MDFIC: variants seen among roughly 807,000 people sequenced by gnomAD.
MDFIC encodes the protein myoD family inhibitor domain-containing protein.
Under a neutral mutation model 23.2 loss-of-function variants are expected in MDFIC, and 17 were observed. The ratio of observed to expected loss-of-function variants is 0.73; its 90% CI spans 0.50 to 1.10. MDFIC has a LOEUF of 1.10. Among genes scored for constraint, MDFIC ranks in the 50% least tolerant of loss-of-function variants. The pLI, the probability that MDFIC is intolerant of heterozygous loss-of-function variation, is 0.00. For missense variants in MDFIC, 356 were observed against 316.6 expected (o/e 1.12, Z -0.95); for synonymous variants, 120 against 115.2 (o/e 1.04, Z -0.27).
At chr7:114,980,118 C>G (rs1793392751) in intron 4 of MDFIC, 1 of 332,292 alleles carries the variant, frequency 3.0e-6, no homozygotes, top group African/African-American at 2.1e-5. Context: ...TTATCCCTCC[C>G]TGATGCAATA....
At chr7:115,007,554 T>A (rs1279016766) in intron 4 of MDFIC, among the ~76,000 whole-genome samples, 1 of 150,110 alleles carries the variant, frequency 6.7e-6, no homozygotes, top group Non-Finnish European at 1.5e-5. Context: ...TTACCCCTCT[T>A]CAGATTTCTG....
chr7:114,976,064 T>C (rs1302908852), intron 3 of MDFIC, among the ~76,000 whole-genome samples: 1 of 152,134 alleles, frequency 6.6e-6, no homozygotes, highest in Non-Finnish European at 1.5e-5. Context: ...CCATACCTAG[T>C]AATTTGCAAA....
At chr7:115,012,015 C>G (rs979404183) in intron 4 of MDFIC, among the ~76,000 whole-genome samples, 1 of 152,230 alleles carries the variant, frequency 6.6e-6, no homozygotes, top group African/African-American at 2.4e-5. Flanking sequence ...TGTCACTTAA[C>G]TTCCTCAGCC....
At chr7:114,929,170 G>T (rs575879802) in intron 2 of MDFIC, among the ~76,000 whole-genome samples, 1 of 151,714 alleles carries the variant, frequency 6.6e-6, no homozygotes, top group African/African-American at 2.4e-5. Context: ...GTAGTGGCAT[G>T]ATCTCGGCTC....
At chr7:114,981,488 C>A (rs1240955927) in intron 4 of MDFIC, among the ~76,000 whole-genome samples, 5 of 152,126 alleles carry the variant, frequency 3.3e-5, no homozygotes, top group Non-Finnish European at 5.9e-5. Flanking sequence ...TCCCCCTTCC[C>A]TCCCTCTTTT....
Position 114,989,931 on chromosome 7 carries a change from T to C in MDFIC, c.493+10150T>C, listed in dbSNP as rs370799358. ...CACAAATTGATTAAAATCGATAGCA[T>C]CTTATATTTTATGTTCATAAGGCCC... is the stretch of plus-strand genomic sequence containing the variant. On this transcript the variant is annotated intron_variant, in intron 4 of 4. Coordinates refer to ENST00000393486, the MANE Select transcript of MDFIC (RefSeq NM_001166345.3). Among the ~76,000 whole-genome samples the C allele has an allele frequency of 4.6e-5, 7 of 152,256 alleles. No homozygotes were observed. In the East Asian group the frequency reaches 9.6e-4, roughly 21 times the overall value.
chr7:115,008,695 G>A (rs1791621095), intron 4 of MDFIC, among the ~76,000 whole-genome samples: 1 of 152,222 alleles, frequency 6.6e-6, no homozygotes, highest in African/African-American at 2.4e-5. Flanking sequence ...ACACACTTGA[G>A]GAGCAGAACT....
At chr7:114,994,171 C>T (rs1271226052) in intron 4 of MDFIC, among the ~76,000 whole-genome samples, 1 of 152,074 alleles carries the variant, frequency 6.6e-6, no homozygotes, top group African/African-American at 2.4e-5. Context: ...AGGTGTGCAA[C>T]CCCTGCCTTT....
intron 2 of MDFIC, among the ~76,000 whole-genome samples, chr7:114,938,061 A>G (rs574753816): frequency 3.9e-5 from 6 of 152,248 alleles, no homozygotes; most frequent in African/African-American, 1.2e-4. Flanking sequence ...GATTCAAGCA[A>G]TTCTCCTGCC....
chr7:115,010,787 A>G (rs529797423), intron 4 of MDFIC, among the ~76,000 whole-genome samples: 2 of 152,290 alleles, frequency 1.3e-5, no homozygotes, highest in East Asian at 1.9e-4. Context: ...TTTTAAATTT[A>G]TAGATTTGTT....
chr7:114,961,940 A>G (rs1462679123), intron 3 of MDFIC, among the ~76,000 whole-genome samples: 1 of 152,192 alleles, frequency 6.6e-6, no homozygotes, highest in Non-Finnish European at 1.5e-5. Context: ...TCTATTGAAG[A>G]TATCATACCT....
intron 4 of MDFIC, among the ~76,000 whole-genome samples, chr7:115,000,497 T>C (rs942811555): frequency 2.6e-5 from 4 of 152,232 alleles, no homozygotes; most frequent in Non-Finnish European, 5.9e-5. Flanking sequence ...TGCCTGCTCT[T>C]GTCCCTCGGA....
chr7:114,942,426 G>A, intron 3 of MDFIC, 29 bp downstream of exon 3: 3 of 1,541,976 alleles, frequency 1.9e-6, no homozygotes, highest in Non-Finnish European at 2.6e-6. Flanking sequence ...AACTTTGAGT[G>A]ATTTTGGGAT....
intron 3 of MDFIC, among the ~76,000 whole-genome samples, chr7:114,954,273 A>ATAAATGTG (rs1792840018): frequency 6.6e-6 from 1 of 152,212 alleles, no homozygotes; most frequent in Non-Finnish European, 1.5e-5. Context: ...TCTGCTAATT[A>ATAAATGTG]CGTTCTTTTC....
intron 3 of MDFIC, among the ~76,000 whole-genome samples, chr7:114,973,383 T>A (rs1793246798): frequency 6.6e-6 from 1 of 152,122 alleles, no homozygotes; most frequent in African/African-American, 2.4e-5. Context: ...ACTGGTTTGC[T>A]GCCAACTGCA....
chr7:115,002,789 C>G (rs1324285154), intron 4 of MDFIC, among the ~76,000 whole-genome samples: 1 of 152,182 alleles, frequency 6.6e-6, no homozygotes, highest in Non-Finnish European at 1.5e-5. Context: ...TTCATACACT[C>G]ACTCCATTGA....
At chr7:114,953,638 A>G (rs1792824581) in intron 3 of MDFIC, among the ~76,000 whole-genome samples, 3 of 152,154 alleles carry the variant, frequency 2.0e-5, no homozygotes, top group Admixed American at 6.5e-5. Context: ...CTTCTGCTCC[A>G]CTTTCTAGCT....
At chr7:114,924,836 G>T (rs1259179249) in intron 2 of MDFIC, among the ~76,000 whole-genome samples, 1 of 152,168 alleles carries the variant, frequency 6.6e-6, no homozygotes, top group Non-Finnish European at 1.5e-5. Flanking sequence ...TGTATTTAAA[G>T]AAAGAAATTC....
At chr7:114,953,734 C>A (rs577685983) in intron 3 of MDFIC, among the ~76,000 whole-genome samples, 1 of 152,146 alleles carries the variant, frequency 6.6e-6, no homozygotes, top group African/African-American at 2.4e-5. Flanking sequence ...TTCAGATGCT[C>A]AGATGCCTTA....
Sources: allele counts gnomAD v4.1 joint callset (sites outside exome capture counted in the v4.1 genomes callset), GRCh38; gene constraint gnomAD v4.1.1; transcripts MANE v1.5; gene names NCBI Gene and HGNC (gene_info 2026-07-23, HGNC 2026-07-21).